The following FAM13A variants were observed in gnomAD, a reference collection of about 807,000 sequenced individuals.
FAM13A encodes protein FAM13A.
A neutral mutation model predicts 129.6 loss-of-function variants in FAM13A; 76 were observed. The ratio of observed to expected loss-of-function variants is 0.59; its 90% CI spans 0.49 to 0.71. FAM13A has a LOEUF of 0.71. FAM13A is among the 30% of genes least tolerant of loss of function. The probability of loss-of-function intolerance (pLI) is 0.00; values close to 1 mark genes in which losing one functional copy is unlikely to be tolerated. For missense variants in FAM13A, 1,108 were observed against 1,249.3 expected (o/e 0.89, Z 1.70); for synonymous variants, 443 against 449.9 (o/e 0.98, Z 0.20).
At chr4:89,041,249 A>G (rs1402114998) in intron 1 of FAM13A, among the ~76,000 whole-genome samples, 1 of 152,224 alleles carries the variant, frequency 6.6e-6, no homozygotes, top group Non-Finnish European at 1.5e-5. Flanking sequence ...AATGTTCCCA[A>G]CACATAGAAA....
At chr4:88,801,617 G>C (rs1179821906) in intron 8 of FAM13A, among the ~76,000 whole-genome samples, 2 of 152,210 alleles carry the variant, frequency 1.3e-5, no homozygotes, top group African/African-American at 4.8e-5. Flanking sequence ...TGCCAGGTGA[G>C]TTATTTAGAG....
rs770041835 is a variant in FAM13A at position 88,728,517 on chromosome 4, T to G, written c.*16A>C. 1.2e-6 allele frequency: 2 copies of G among 1,613,858 alleles called. No homozygotes were observed. The highest frequency in any genetic ancestry group is 1.7e-6 in the Non-Finnish European group (2 of 1,179,988). On this transcript the variant is annotated 3_prime_UTR_variant, in exon 24 of 24. Coordinates refer to ENST00000264344, the MANE Select transcript of FAM13A (RefSeq NM_014883.4). ...TCTCACCGCAGCTGCCAGCCCCCTG[T>G]GCTTGGCCATGCCCCTCACATGGAC...
At chr4:88,840,227 T>C (rs567528179) in intron 7 of FAM13A, among the ~76,000 whole-genome samples, 111 of 152,320 alleles carry the variant, frequency 7.3e-4, no homozygotes, top group Non-Finnish European at 1.4e-3. Context: ...AACAGTAGAC[T>C]GACCTTTGGA....
At chr4:88,870,968 T>G (rs7669597) in intron 6 of FAM13A, among the ~76,000 whole-genome samples, 13,804 of 152,218 alleles carry the variant, frequency 0.091, 1,055 homozygotes, top group African/African-American at 0.21. Flanking sequence ...CAATATTTGC[T>G]GTTCTGCAGC....
At chr4:89,037,245 C>T (rs1769505560) in intron 1 of FAM13A, among the ~76,000 whole-genome samples, 1 of 152,142 alleles carries the variant, frequency 6.6e-6, no homozygotes, top group Admixed American at 6.5e-5. Flanking sequence ...GCAGAGATGC[C>T]CAAGTCCTTG....
At chr4:88,958,141 CGT>C (rs1758043708) in intron 4 of FAM13A, among the ~76,000 whole-genome samples, 4 of 152,028 alleles carry the variant, frequency 2.6e-5, no homozygotes, top group Admixed American at 2.6e-4. Flanking sequence ...GAGAAATTTG[CGT>C]GACTAAAAGG....
chr4:88,788,188 T>C (rs939256825), intron 9 of FAM13A, among the ~76,000 whole-genome samples: 5 of 152,174 alleles, frequency 3.3e-5, no homozygotes, highest in Admixed American at 6.6e-5. Context: ...GAAATGCTCA[T>C]GGCAAGTCTA....
chr4:89,015,230 T>A (rs1708664), intron 3 of FAM13A, among the ~76,000 whole-genome samples: 4,115 of 152,316 alleles, frequency 0.027, 81 homozygotes, highest in Non-Finnish European at 0.044. Flanking sequence ...TTAGCAATTT[T>A]AATTTCGCCC....
intron 7 of FAM13A, among the ~76,000 whole-genome samples, chr4:88,820,904 ATTC>A: frequency 6.6e-6 from 1 of 152,226 alleles, no homozygotes; most frequent in Admixed American, 6.5e-5. Flanking sequence ...ATTTAAAGCT[ATTC>A]TTTTACACAT....
intron 4 of FAM13A, among the ~76,000 whole-genome samples, chr4:88,949,069 G>A (rs1756472593): frequency 6.6e-6 from 1 of 152,022 alleles, no homozygotes; most frequent in South Asian, 2.1e-4. Flanking sequence ...TAATATTTTT[G>A]TAGTTTTCTT....
chr4:88,792,247 TA>T (rs1460344894), intron 8 of FAM13A, among the ~76,000 whole-genome samples: 1 of 152,044 alleles, frequency 6.6e-6, no homozygotes, highest in Non-Finnish European at 1.5e-5. Context: ...TTAGAAAGGT[TA>T]AATAACTTAC....
intron 4 of FAM13A, among the ~76,000 whole-genome samples, chr4:88,950,240 T>C (rs946443168): frequency 6.6e-6 from 1 of 151,748 alleles, no homozygotes; most frequent in Non-Finnish European, 1.5e-5. Context: ...CAAGGTCTTG[T>C]TATGTTGCCC....
chr4:88,956,033 T>C (rs1392480997), intron 4 of FAM13A, among the ~76,000 whole-genome samples: 1 of 152,228 alleles, frequency 6.6e-6, no homozygotes, highest in Non-Finnish European at 1.5e-5. Context: ...AAGTTAAGGT[T>C]AATTTATTAT....
chr4:88,910,035 T>A (rs115334609), intron 5 of FAM13A, among the ~76,000 whole-genome samples: 1 of 152,168 alleles, frequency 6.6e-6, no homozygotes, highest in African/African-American at 2.4e-5. Context: ...TGGAGGGGGA[T>A]GTTGTGTTTC....
In FAM13A at chr4:88,839,582, G is replaced by C. The variant is rs555422504; in HGVS notation, c.1007+11438C>G. Among the ~76,000 whole-genome samples, 354 of 152,264 alleles carry C rather than the reference G, an allele frequency of 2.3e-3. 2 individuals are homozygous for C. Among genetic ancestry groups the C allele is most frequent in the African/African-American group, 8.1e-3 (335 of 41,530 alleles). Reference sequence around the variant, plus strand: ...TGAAGTGGACTTGTTCAACTGGCAGGGGCATATAAGATGTGCAGTTTTGGC... The same window carrying C: ...TGAAGTGGACTTGTTCAACTGGCAGCGGCATATAAGATGTGCAGTTTTGGC... On this transcript the variant is annotated intron_variant, in intron 7 of 23. Transcript: ENST00000264344.
intron 4 of FAM13A, among the ~76,000 whole-genome samples, chr4:88,977,832 G>A (rs971210180): frequency 6.6e-6 from 1 of 152,112 alleles, no homozygotes; most frequent in African/African-American, 2.4e-5. Context: ...AGAGTATCTG[G>A]AGGAAGACTA....
intron 5 of FAM13A, among the ~76,000 whole-genome samples, chr4:88,930,630 C>G (rs1367525594): frequency 6.6e-6 from 1 of 152,116 alleles, no homozygotes; most frequent in Non-Finnish European, 1.5e-5. Context: ...CTTTAGCTTG[C>G]TGCAGCATTA....
chr4:88,837,090 G>T (rs1455770992), intron 7 of FAM13A, among the ~76,000 whole-genome samples: 2 of 151,082 alleles, frequency 1.3e-5, no homozygotes, highest in Non-Finnish European at 2.9e-5. Flanking sequence ...TGCCTCCAGG[G>T]TTTAAGTGAT....
At chr4:88,982,137 C>A (rs1004264581) in intron 4 of FAM13A, among the ~76,000 whole-genome samples, 1 of 152,162 alleles carries the variant, frequency 6.6e-6, no homozygotes, top group East Asian at 1.9e-4. Flanking sequence ...GTGTCTGATA[C>A]AAGTACTAAG....
Sources: allele counts gnomAD v4.1 joint callset (sites outside exome capture counted in the v4.1 genomes callset), GRCh38; gene constraint gnomAD v4.1.1; transcripts MANE v1.5; gene names NCBI Gene and HGNC (gene_info 2026-07-23, HGNC 2026-07-21).